Variants in PRKDC observed in about 807,000 individuals in gnomAD.
PRKDC encodes protein kinase, DNA-activated, catalytic subunit.
Under a neutral mutation model 486.9 loss-of-function variants are expected in PRKDC, and 82 were observed. That is an observed-to-expected ratio of 0.17 (90% CI 0.14 to 0.20). The LOEUF is 0.20. Ranked by LOEUF, PRKDC falls within the 10% of genes least tolerant of loss-of-function variation. The probability of loss-of-function intolerance (pLI) is 1.00; values close to 1 mark genes in which losing one functional copy is unlikely to be tolerated. For synonymous variants in PRKDC, 1,895 were observed against 1,837.0 expected (o/e 1.03, Z -0.81); for missense variants, 4,504 against 5,038.2 (o/e 0.89, Z 3.21).
At chr8:47,838,446 T>C (rs2088073574) in intron 56 of PRKDC, among the ~76,000 whole-genome samples, 1 of 151,938 alleles carries the variant, frequency 6.6e-6, no homozygotes, top group Non-Finnish European at 1.5e-5. Context: ...ACCCTATCTT[T>C]ACAAAAAATA....
At position 47,877,733 on chromosome 8, in the gene PRKDC, A is replaced by C. The variant is rs2089119099; in HGVS notation, c.5354T>G (p.Ile1785Ser). 1 of 1,585,874 alleles carries C rather than the reference A, an allele frequency of 6.3e-7. No homozygotes were observed. The highest frequency in any genetic ancestry group is 1.4e-5 in the African/African-American group (1 of 74,004). The change falls in exon 40 of 86, where the codon ATT becomes AGT. Residue 1785 changes from isoleucine to serine, a missense_variant. By Grantham distance (142) the Ile-to-Ser change is moderately radical. Coordinates refer to ENST00000314191, the MANE Select transcript of PRKDC (RefSeq NM_006904.7). ...EELFQSSFRR[I>S]ARRGSCVTQV... is the part of the protein sequence containing the mutation. ...GGCCAGAATGACTTACCTTCTGGCA[A>C]TCCTCCTGAAACTGGATTGAAATAA...
At chr8:47,868,622 G>T (rs1220939320) in intron 40 of PRKDC, among the ~76,000 whole-genome samples, 1 of 152,062 alleles carries the variant, frequency 6.6e-6, no homozygotes, top group Non-Finnish European at 1.5e-5. Flanking sequence ...GACCAAGAAG[G>T]CTAAATAGAA....
At chr8:47,896,561 G>A (rs551945288) in intron 30 of PRKDC, among the ~76,000 whole-genome samples, 4 of 152,060 alleles carry the variant, frequency 2.6e-5, no homozygotes, top group Admixed American at 6.6e-5. Context: ...GCAAGAGAAC[G>A]GCGTGAACCC....
intron 46 of PRKDC, among the ~76,000 whole-genome samples, 174 bp downstream of exon 46, chr8:47,859,437 T>C (rs2088622137): frequency 6.6e-6 from 1 of 152,230 alleles, no homozygotes; most frequent in Admixed American, 6.5e-5. Flanking sequence ...CTGCTGAGTC[T>C]ACAGAATAAA....
At chr8:47,929,572 CAG>C (rs8178043) in intron 18 of PRKDC, among the ~76,000 whole-genome samples, 4 of 152,190 alleles carry the variant, frequency 2.6e-5, no homozygotes, top group Admixed American at 2.6e-4. Flanking sequence ...GTTTGTGATG[CAG>C]AAAGCAATGC....
rs750004932 is a variant in PRKDC at position 47,828,182 on chromosome 8, C to A, written c.8563G>T (p.Val2855Phe). Residue 2855 changes from valine to phenylalanine, a missense_variant, in exon 62 of 86, where the codon GTC becomes TTC. Around this residue, in one of 6 missense-constraint regions of PRKDC, gnomAD observed 1,592 missense variants for 1,724.6 expected, o/e 0.92. Transcript: ENST00000314191. ...NTTFSFFPPFVSCIQDISCQH... is the reference protein window; with the variant it reads ...NTTFSFFPPFFSCIQDISCQH... ...GCAGACTTTACCTGAATACAAGAGA[C>A]AAAGGGTGGAAAGAAAGAGAAGGTG... is the stretch of plus-strand genomic sequence containing the variant. 8 of 1,613,506 alleles carry A rather than the reference C, an allele frequency of 5.0e-6. No homozygotes were observed. Among genetic ancestry groups the A allele is most frequent in the Non-Finnish European group, 6.8e-6 (8 of 1,179,634 alleles).
rs2154500805 is a variant in PRKDC at position 47,864,630 on chromosome 8, G to A, written c.5497C>T (p.Leu1833=). 7 of 1,609,886 alleles carry A rather than the reference G, an allele frequency of 4.3e-6. No individual in the cohort carries two copies. Among genetic ancestry groups the A allele is most frequent in the Non-Finnish European group, 5.9e-6 (7 of 1,178,216 alleles). The change falls in exon 41 of 86, where the codon CTG becomes TTG. Residue 1833 remains leucine, a synonymous_variant. Transcript: ENST00000314191. Reference sequence around the variant, plus strand: ...CTGAAGAATTCTCTCAAAGCATCCAGGCTACAGTGCCACAGCAGAGTGAGG... The same window carrying A: ...CTGAAGAATTCTCTCAAAGCATCCAAGCTACAGTGCCACAGCAGAGTGAGG... ...SLLTLLWHCS[L]DALREFFSTI... is the part of the protein sequence containing the mutation.
At chr8:47,931,461 C>A (rs146721262) in intron 16 of PRKDC, among the ~76,000 whole-genome samples, 3 of 151,292 alleles carry the variant, frequency 2.0e-5, no homozygotes, top group Non-Finnish European at 4.4e-5. Flanking sequence ...GCAGGTCTGT[C>A]AGCTGACACA....
chr8:47,827,036 A>C (rs970618672), intron 62 of PRKDC, among the ~76,000 whole-genome samples, 175 bp from the exon 63 acceptor site: 15 of 152,024 alleles, frequency 9.9e-5, no homozygotes, highest in Non-Finnish European at 2.2e-4. Flanking sequence ...ATTTGCTCAA[A>C]GGAGGAAATG....
intron 11 of PRKDC, 40 bp downstream of exon 11, chr8:47,939,511 G>T (rs761252851): frequency 6.3e-7 from 1 of 1,589,824 alleles, no homozygotes; most frequent in South Asian, 1.1e-5. Context: ...AAACAATCAC[G>T]TGAAACCAAG....
intron 22 of PRKDC, 73 bp from the exon 23 acceptor site, chr8:47,915,491 C>T: frequency 1.1e-6 from 1 of 921,020 alleles, no homozygotes; most frequent in Non-Finnish European, 1.6e-6. Flanking sequence ...TAGGAAAAAA[C>T]TCTTTGCCAC....
chr8:47,784,070 T>C, intron 77 of PRKDC: 2 of 391,764 alleles, frequency 5.1e-6, no homozygotes, highest in South Asian at 5.9e-5. Context: ...CATCCTGGCT[T>C]ACATGGTGAA....
Position 47,852,530 on chromosome 8 carries a change from G to C in PRKDC, c.7005+143C>G, listed in dbSNP as rs2088432316. The C allele has an allele frequency of 5.7e-6, 3 of 523,580 alleles. No individual in the cohort carries two copies. The East Asian group carries it at 9.1e-5, about 16-fold the overall frequency. The allele number at this position is 523,580 out of a possible 1,614,324, so 32.4% of individuals were successfully genotyped here. The stretch of plus-strand genomic sequence containing the variant: ...TGAGTATTATATTTGCTATATTATA[G>C]TAAGAAACAGTAAAATTTTAATAAA... On this transcript the variant is annotated intron_variant, in intron 52 of 85. Transcript: ENST00000314191.
chr8:47,792,727 A>C (rs979272199), intron 74 of PRKDC, among the ~76,000 whole-genome samples: 8 of 152,204 alleles, frequency 5.3e-5, no homozygotes, highest in African/African-American at 1.9e-4. Context: ...TACCCCATAA[A>C]CATAGACACC....
intron 40 of PRKDC, among the ~76,000 whole-genome samples, chr8:47,871,015 G>A (rs144280365): frequency 3.3e-5 from 5 of 152,096 alleles, no homozygotes; most frequent in African/African-American, 9.7e-5. Flanking sequence ...ATGTAGGCAG[G>A]CTATTTGAAA....
At position 47,798,233 on chromosome 8, in the gene PRKDC, C is replaced by G. The variant is rs1589703138; in HGVS notation, c.10458+4G>C. 2 of 1,607,494 alleles carry G rather than the reference C, an allele frequency of 1.2e-6. No individual in the cohort carries two copies. The highest frequency in any genetic ancestry group is 1.7e-6 in the Non-Finnish European group (2 of 1,178,206). ...TTACCGCCAAGTAGAATAAAGACAC[C>G]AACCTCTTTTGTCATGAGGCTCAAA... On this transcript the variant is annotated splice_donor_region_variant and intron_variant, in intron 73 of 85. Coordinates refer to ENST00000314191, the MANE Select transcript of PRKDC (RefSeq NM_006904.7).
In PRKDC at chr8:47,944,484, T is replaced by TAAA. The variant is rs75220935; in HGVS notation, c.722-458_722-456dup. 3.2e-4 allele frequency among the ~76,000 whole-genome samples: 32 copies of TAAA among 99,026 alleles called. No individual in the cohort carries two copies. In the South Asian group the frequency reaches 5.5e-3, roughly 17 times the overall value. The allele number at this position is 99,026 out of a possible 152,430, so 65.0% of individuals were successfully genotyped here. ...CACCTAGTACATGTAAGAAAAAAAT[T>TAAA]AAAAAAAAAAAAAAAACAGAAAAAA... On this transcript the variant is annotated intron_variant, in intron 7 of 85. Coordinates refer to ENST00000314191, the MANE Select transcript of PRKDC (RefSeq NM_006904.7).
intron 25 of PRKDC, among the ~76,000 whole-genome samples, chr8:47,910,784 C>G (rs1387030633): frequency 6.6e-6 from 1 of 151,960 alleles, no homozygotes; most frequent in Admixed American, 6.6e-5. Flanking sequence ...TATTCATCTT[C>G]TATAGTCATA....
rs540917663 is a variant in PRKDC, at chr8:47,948,147, T to C, written c.722-4118A>G. On this transcript the variant is annotated intron_variant, in intron 7 of 85. Coordinates refer to ENST00000314191, the MANE Select transcript of PRKDC (RefSeq NM_006904.7). ...ACACGCGTTTATATATATGTATATATATAAAAATTTTTTTTGAGATGGAGT... is the reference window on the plus strand; with the variant it reads ...ACACGCGTTTATATATATGTATATACATAAAAATTTTTTTTGAGATGGAGT... Among the ~76,000 whole-genome samples the C allele has an allele frequency of 3.0e-4, 45 of 151,934 alleles. 1 individual carries two copies. The highest frequency in any genetic ancestry group is 2.2e-3 in the Admixed American group (34 of 15,234).
Sources: allele counts gnomAD v4.1 joint callset (sites outside exome capture counted in the v4.1 genomes callset), GRCh38; gene constraint gnomAD v4.1.1; regional missense constraint gnomAD v4.1.1; transcripts MANE v1.5; gene names NCBI Gene and HGNC (gene_info 2026-07-23, HGNC 2026-07-21).